Variants in MACO1 observed in about 807,000 individuals in gnomAD.
MACO1 encodes macoilin.
Under a neutral mutation model 78.7 loss-of-function variants are expected in MACO1, and 14 were observed. That is an observed-to-expected ratio of 0.18 (90% CI 0.12 to 0.28). MACO1 has a LOEUF of 0.28. Ranked by LOEUF, MACO1 falls within the 10% of genes least tolerant of loss-of-function variation. MACO1 has a pLI of 1.00. For missense variants in MACO1, 501 were observed against 799.0 expected (o/e 0.63, Z 4.50); for synonymous variants, 288 against 291.6 (o/e 0.99, Z 0.12).
In MACO1 at chr1:25,454,438, A is replaced by ATGTG. The variant is rs71589767; in HGVS notation, c.473+86_473+89dup. On this transcript the variant is annotated intron_variant, in intron 4 of 10. Transcript: ENST00000374343. ...TGTGTATATGTGTGTATGTATATAT[A>ATGTG]TGTGTGTGTGTGTGTGTGTGTGTGT... 2.4e-4 allele frequency: 63 copies of ATGTG among 258,904 alleles called. 3 individuals carry two copies. The highest frequency in any genetic ancestry group is 2.2e-3 in the East Asian group (17 of 7,904). The allele number at this position is 258,904 out of a possible 1,614,324, so 16.0% of individuals were successfully genotyped here.
intron 6 of MACO1, among the ~76,000 whole-genome samples, chr1:25,473,052 G>A (rs1475802098): frequency 1.3e-5 from 2 of 152,108 alleles, no homozygotes; most frequent in Non-Finnish European, 2.9e-5. Context: ...AGTAAGTTTA[G>A]TGTGTTTTCT....
At chr1:25,444,976 C>T (rs765917218) in intron 1 of MACO1, among the ~76,000 whole-genome samples, 7 of 151,702 alleles carry the variant, frequency 4.6e-5, no homozygotes, top group African/African-American at 4.8e-5. Flanking sequence ...GCCAGCAGAA[C>T]TCTAGTGAAA....
intron 10 of MACO1, among the ~76,000 whole-genome samples, chr1:25,491,929 G>A (rs373769763): frequency 6.6e-5 from 10 of 152,300 alleles, no homozygotes; most frequent in South Asian, 6.2e-4. Context: ...AGTCAGGGAC[G>A]AAACTAGTCT....
intron 10 of MACO1, among the ~76,000 whole-genome samples, chr1:25,493,316 G>A (rs1170409220): frequency 1.3e-5 from 2 of 152,122 alleles, no homozygotes; most frequent in South Asian, 2.1e-4. Context: ...TCAACTCACT[G>A]CAGCCTCGAC....
At chr1:25,474,753 C>T (rs1045198055) in intron 6 of MACO1, among the ~76,000 whole-genome samples, 21 of 152,212 alleles carry the variant, frequency 1.4e-4, no homozygotes, top group Non-Finnish European at 7.3e-5. Context: ...CTACTGTGTT[C>T]TCAGAGCACA....
chr1:25,497,259 A>G (rs376144305), intron 10 of MACO1, among the ~76,000 whole-genome samples: 7 of 152,138 alleles, frequency 4.6e-5, no homozygotes, highest in East Asian at 3.9e-4. Flanking sequence ...ACATGCTTGT[A>G]ATCCCAGCTA....
chr1:25,431,499 C>T (rs952448128), intron 1 of MACO1, among the ~76,000 whole-genome samples: 1 of 151,430 alleles, frequency 6.6e-6, no homozygotes, highest in Non-Finnish European at 1.5e-5. Flanking sequence ...CCTCAGCATC[C>T]CGGCCATGCC....
intron 6 of MACO1, among the ~76,000 whole-genome samples, chr1:25,466,321 A>G (rs560141013): frequency 7.9e-5 from 12 of 151,938 alleles, no homozygotes; most frequent in African/African-American, 2.9e-4. Flanking sequence ...TTATTTATTT[A>G]TTTATTTTTG....
At chr1:25,494,836 C>A (rs1357242936) in intron 10 of MACO1, among the ~76,000 whole-genome samples, 2 of 152,102 alleles carry the variant, frequency 1.3e-5, no homozygotes, top group Non-Finnish European at 2.9e-5. Context: ...TCCCCAGAAA[C>A]CCAAGTAGGA....
chr1:25,467,854 G>C (rs2043233138), intron 6 of MACO1, among the ~76,000 whole-genome samples: 1 of 151,804 alleles, frequency 6.6e-6, no homozygotes, highest in Non-Finnish European at 1.5e-5. Context: ...TACATGGCTG[G>C]TGTGGGTGAC....
chr1:25,459,945 G>T (rs990749589), intron 6 of MACO1, among the ~76,000 whole-genome samples: 4 of 152,192 alleles, frequency 2.6e-5, no homozygotes, highest in African/African-American at 9.6e-5. Context: ...ACTCAAGAGG[G>T]CAATTGAAAC....
rs746341461 is a variant in MACO1 at position 25,431,086 on chromosome 1, C to G, written c.-13C>G. The G allele has an allele frequency of 3.2e-6, 5 of 1,579,728 alleles. No homozygotes were observed. Among genetic ancestry groups the G allele is most frequent in the Non-Finnish European group, 4.3e-6 (5 of 1,166,292 alleles). On this transcript the variant is annotated 5_prime_UTR_variant, in exon 1 of 11. Transcript: ENST00000374343. ...GCGGCGGCGGCGCGGGCACCCGGCC[C>G]CCCAGCGGGAGGATGAAGCGGCGGA...
Position 25,456,748 on chromosome 1 carries a change from A to G in MACO1, c.569A>G (p.Asn190Ser). 1.2e-6 allele frequency: 2 copies of G among 1,614,070 alleles called. No homozygotes were observed. Among genetic ancestry groups the G allele is most frequent in the Non-Finnish European group, 1.7e-6 (2 of 1,179,984 alleles). ...AAGCAAAAAGAAGTACAAAAAGAGA[A>G]CGAGTTTTACATGCAACTTCTTCAA... ...LRKQKEVQKE[N>S]EFYMQLLQQA... is the part of the protein sequence containing the mutation. The change falls in exon 5 of 11, where the codon AAC (asparagine) becomes AGC (serine). Residue 190 changes from asparagine (N) to serine (S), a missense_variant. Physicochemically the swap from Asn to Ser is conservative, Grantham distance 46 (BLOSUM62 1). This residue lies in a region of MACO1 where 171 missense variants were observed against 292.1 expected (regional missense o/e 0.59). Coordinates refer to ENST00000374343, the MANE Select transcript of MACO1 (RefSeq NM_018202.6).
chr1:25,448,369 C>G (rs1359618563), intron 2 of MACO1, among the ~76,000 whole-genome samples: 1 of 151,984 alleles, frequency 6.6e-6, no homozygotes, highest in Non-Finnish European at 1.5e-5. Flanking sequence ...GAGGCCGAGG[C>G]AGAAGAATCG....
chr1:25,444,958 T>C (rs2043002848), intron 1 of MACO1, among the ~76,000 whole-genome samples: 1 of 151,904 alleles, frequency 6.6e-6, no homozygotes, highest in East Asian at 1.9e-4. Context: ...GGGCTCTATC[T>C]TCATCTGGCC....
At chr1:25,446,681 T>A (rs1571955080) in intron 1 of MACO1, 81 bp from the exon 2 acceptor site, 1 of 1,407,748 alleles carries the variant, frequency 7.1e-7, no homozygotes, top group East Asian at 2.5e-5. Flanking sequence ...TTTTTGTCGT[T>A]TTAAACAGAA....
In MACO1 at chr1:25,498,574, T is replaced by C. The variant is rs531465244; in HGVS notation, c.*108T>C. 6.0e-5 allele frequency: 62 copies of C among 1,031,922 alleles called. No homozygotes were observed. The highest frequency in any genetic ancestry group is 7.5e-5 in the Non-Finnish European group (53 of 705,674). The allele number at this position is 1,031,922 out of a possible 1,614,324, so 63.9% of individuals were successfully genotyped here. A position where few individuals can be genotyped will look rare whatever the true frequency, so the allele number is the denominator to read the frequency against. On this transcript the variant is annotated 3_prime_UTR_variant, in exon 11 of 11. Transcript: ENST00000374343. ...CAGTTTCTATTGTATTTTGTGGAAC[T>C]GTATCTGTTGTCATTTTTAAAAAGG...
At chr1:25,491,091 T>C (rs1255950051) in intron 9 of MACO1, among the ~76,000 whole-genome samples, 1 of 152,218 alleles carries the variant, frequency 6.6e-6, no homozygotes, top group African/African-American at 2.4e-5. Flanking sequence ...ATTATGATAA[T>C]TTGCACGTGG....
chr1:25,480,930 ATATATATATATATATATAT>A (rs1442261063), intron 6 of MACO1, among the ~76,000 whole-genome samples: 5,285 of 75,294 alleles, frequency 0.07, 809 homozygotes, highest in African/African-American at 0.21. Context: ...AAAAAAAAAA[ATATATATATATATATATAT>A]ATATATATAT....
Sources: allele counts gnomAD v4.1 joint callset (sites outside exome capture counted in the v4.1 genomes callset), GRCh38; gene constraint gnomAD v4.1.1; regional missense constraint gnomAD v4.1.1; transcripts MANE v1.5; gene names NCBI Gene and HGNC (gene_info 2026-07-23, HGNC 2026-07-21).